The following CNTNAP2 variants were observed in gnomAD, a reference collection of about 807,000 sequenced individuals.
The protein encoded by CNTNAP2 is contactin-associated protein-like 2.
CNTNAP2 carries 98 observed loss-of-function variants against 155.2 expected under a neutral mutation model. The ratio of observed to expected loss-of-function variants is 0.63; its 90% CI spans 0.54 to 0.75. The LOEUF is 0.75. Among genes scored for constraint, CNTNAP2 ranks in the 30% least tolerant of loss-of-function variants. CNTNAP2 has a pLI of 0.00. For missense variants in CNTNAP2, 1,727 were observed against 1,688.1 expected, an observed-to-expected ratio of 1.02 and a Z score of -0.40; for synonymous variants, 651 against 631.2, an observed-to-expected ratio of 1.03 and a Z score of -0.47.
At chr7:147,035,883 G>GT (rs1277215096) in intron 3 of CNTNAP2, among the ~76,000 whole-genome samples, 2 of 151,930 alleles carry the variant, frequency 1.3e-5, no homozygotes, top group East Asian at 3.9e-4. Context: ...AAAAATGTTA[G>GT]TTCATGCATC....
intron 9 of CNTNAP2, among the ~76,000 whole-genome samples, chr7:147,364,593 A>G (rs946548581): frequency 6.6e-6 from 1 of 152,316 alleles, no homozygotes; most frequent in Non-Finnish European, 1.5e-5. Flanking sequence ...CACTTCTTTA[A>G]GTTCTGTTGG....
At chr7:147,381,363 T>C (rs1796532599) in intron 9 of CNTNAP2, among the ~76,000 whole-genome samples, 1 of 152,146 alleles carries the variant, frequency 6.6e-6, no homozygotes, top group South Asian at 2.1e-4. Context: ...TATAATTTCA[T>C]AGTAATTAAG....
At chr7:146,420,123 A>G (rs565466913) in intron 1 of CNTNAP2, among the ~76,000 whole-genome samples, 1 of 152,210 alleles carries the variant, frequency 6.6e-6, no homozygotes, top group South Asian at 2.1e-4. Flanking sequence ...CATCTGAGAA[A>G]TATTTGTAGA....
At position 146,853,742 on chromosome 7, in the gene CNTNAP2, G is replaced by A. The variant is rs1794925310; in HGVS notation, c.402+13838G>A. Among the ~76,000 whole-genome samples, 3 of 152,024 alleles carry A rather than the reference G, an allele frequency of 2.0e-5. 1 individual carries two copies. The South Asian group carries it at 6.2e-4, about 31-fold the overall frequency. On this transcript the variant is annotated intron_variant, in intron 3 of 23. Transcript: ENST00000361727. ...TGATTATAGGTGAGTTGTCTGAGGG[G>A]TTTATTTTGTCCTGTTAAATGCTGG...
chr7:146,152,949 A>G (rs1427361393), intron 1 of CNTNAP2, among the ~76,000 whole-genome samples: 2 of 152,144 alleles, frequency 1.3e-5, no homozygotes. Context: ...GCAGTGGCAC[A>G]ACTTTACACA....
At chr7:148,040,841 A>ATTTT (rs59433735) in intron 15 of CNTNAP2, among the ~76,000 whole-genome samples, 53,070 of 149,646 alleles carry the variant, frequency 0.35, 9,846 homozygotes, top group East Asian at 0.75. Flanking sequence ...AAGAGAGCAA[A>ATTTT]TTTTTTTTTT....
chr7:147,504,711 T>C (rs1405193083), intron 11 of CNTNAP2, among the ~76,000 whole-genome samples: 1 of 149,654 alleles, frequency 6.7e-6, no homozygotes, highest in Non-Finnish European at 1.5e-5. Context: ...ACAAAAAACC[T>C]CTGAGAAAGA....
Position 147,628,555 on chromosome 7 carries a change from C to T in CNTNAP2, c.1898-10551C>T, listed in dbSNP as rs189271017. ...TGTCACCAGGCCTATAAAACAATAA[C>T]ACAATTAAAACAAAACATAAGGTAT... On this transcript the variant is annotated intron_variant, in intron 12 of 23. Coordinates refer to ENST00000361727, the MANE Select transcript of CNTNAP2 (RefSeq NM_014141.6). 5.3e-5 allele frequency among the ~76,000 whole-genome samples: 8 copies of T among 152,180 alleles called. No individual in the cohort carries two copies. The East Asian group carries it at 9.7e-4, about 18-fold the overall frequency.
chr7:146,245,608 G>A (rs759054908), intron 1 of CNTNAP2, among the ~76,000 whole-genome samples: 5 of 152,008 alleles, frequency 3.3e-5, no homozygotes, highest in African/African-American at 1.2e-4. Context: ...TTGTTGTTTT[G>A]TAAGGGATTG....
chr7:146,977,790 C>T (rs1341097415), intron 3 of CNTNAP2, among the ~76,000 whole-genome samples: 6 of 152,120 alleles, frequency 3.9e-5, no homozygotes, highest in Non-Finnish European at 8.8e-5. Flanking sequence ...AAGTGAAATG[C>T]CTTTGCGCTG....
chr7:147,663,811 A>T (rs1461805403), intron 13 of CNTNAP2, among the ~76,000 whole-genome samples: 2 of 152,208 alleles, frequency 1.3e-5, no homozygotes, highest in African/African-American at 4.8e-5. Flanking sequence ...AGTCCAGCAA[A>T]TTAATATATC....
chr7:146,483,326 T>TATATATATATATATACAC (rs1554439604), intron 1 of CNTNAP2, among the ~76,000 whole-genome samples: 1 of 79,260 alleles, frequency 1.3e-5, no homozygotes, highest in Non-Finnish European at 2.3e-5. Flanking sequence ...TATATATATA[T>TATATATATATATATACAC]ATACATATAT....
chr7:148,278,019 C>A (rs1482360719), intron 21 of CNTNAP2, among the ~76,000 whole-genome samples: 4 of 152,150 alleles, frequency 2.6e-5, no homozygotes, highest in Non-Finnish European at 5.9e-5. Context: ...GAGAACAAGC[C>A]ACTCACACAA....
Position 147,628,134 on chromosome 7 carries a change from A to T in CNTNAP2, c.1898-10972A>T, listed in dbSNP as rs148859683. The stretch of plus-strand genomic sequence containing the variant: ...CCCAAATACAAGAAGCTCAAAGAAC[A>T]CCTGGGAAATTCATTCCAAAAAGAT... On this transcript the variant is annotated intron_variant, in intron 12 of 23. Transcript: ENST00000361727. Among the ~76,000 whole-genome samples, 255 of 152,314 alleles carry T rather than the reference A, an allele frequency of 1.7e-3. 1 individual carries two copies. The highest frequency in any genetic ancestry group is 5.9e-3 in the African/African-American group (247 of 41,570).
intron 21 of CNTNAP2, among the ~76,000 whole-genome samples, chr7:148,308,886 T>G (rs549031856): frequency 1.4e-3 from 212 of 152,300 alleles, no homozygotes; most frequent in African/African-American, 5.0e-3. Flanking sequence ...TTCATCCAAG[T>G]CCCTGCAAAG....
At chr7:146,911,149 G>A (rs1174699298) in intron 3 of CNTNAP2, among the ~76,000 whole-genome samples, 1 of 151,578 alleles carries the variant, frequency 6.6e-6, no homozygotes, top group Admixed American at 6.6e-5. Context: ...TAAAAAGTCA[G>A]GATACAACAG....
chr7:147,548,902 G>A (rs1014259443), intron 11 of CNTNAP2, among the ~76,000 whole-genome samples: 5 of 152,168 alleles, frequency 3.3e-5, no homozygotes, highest in African/African-American at 9.7e-5. Context: ...ATTTGTCAAA[G>A]AGCAGATGCT....
chr7:147,505,907 T>C (rs1324180559), intron 11 of CNTNAP2, among the ~76,000 whole-genome samples: 1 of 151,964 alleles, frequency 6.6e-6, no homozygotes, highest in Non-Finnish European at 1.5e-5. Context: ...TGGGTTTGGA[T>C]CAGATCTTGT....
intron 1 of CNTNAP2, among the ~76,000 whole-genome samples, chr7:146,178,769 A>G (rs1485140586): frequency 6.6e-6 from 1 of 152,218 alleles, no homozygotes; most frequent in Non-Finnish European, 1.5e-5. Flanking sequence ...AATGAAGAGA[A>G]ACAAACAGGC....
Sources: allele counts gnomAD v4.1 joint callset (sites outside exome capture counted in the v4.1 genomes callset), GRCh38; gene constraint gnomAD v4.1.1; transcripts MANE v1.5; gene names NCBI Gene and HGNC (gene_info 2026-07-23, HGNC 2026-07-21).